ZNF850: variants seen among roughly 807,000 people sequenced by gnomAD.
ZNF850 encodes zinc finger protein 850.
In ZNF850, 2 loss-of-function variants were observed where a neutral mutation model predicts 11.9. That is an observed-to-expected ratio of 0.17 (90% CI 0.07 to 0.53). ZNF850 has a LOEUF of 0.53. Ranked by LOEUF, ZNF850 falls within the 20% of genes least tolerant of loss-of-function variation. The pLI, the probability that ZNF850 is intolerant of heterozygous loss-of-function variation, is 0.94. For synonymous variants in ZNF850, 381 were observed against 443.0 expected (o/e 0.86, Z 1.76); for missense variants, 1,014 against 1,316.4 (o/e 0.77, Z 3.55).
At position 36,745,996 on chromosome 19, in the gene ZNF850, T is replaced by G. The variant is rs576171365; in HGVS notation, c.*1771A>C. ...AGATGTTTTCTCAGCAAGGTCTTTA[T>G]GACCTGTATCTTATGCTGACCTCAT... On this transcript the variant is annotated 3_prime_UTR_variant, in exon 5 of 5. Coordinates refer to ENST00000591344, the MANE Select transcript of ZNF850 (RefSeq NM_001193552.2). The G allele has an allele frequency of 2.0e-5, 3 of 152,266 alleles. No homozygotes were observed. The highest frequency in any genetic ancestry group is 7.2e-5 in the African/African-American group (3 of 41,476). 9.4% of individuals were successfully genotyped at this position (152,266 alleles called of 1,614,324 possible).
At position 36,748,726 on chromosome 19, in the gene ZNF850, G is replaced by A. The variant is rs2040430256; in HGVS notation, c.2314C>T (p.Leu772=). The A allele has an allele frequency of 2.6e-6, 4 of 1,541,174 alleles. No individual in the cohort carries two copies. The highest frequency in any genetic ancestry group is 3.5e-6 in the Non-Finnish European group (4 of 1,148,472). ...CGKSFTSHST[L]IQHQQIHTGE... ...GTGTGTATTTGCTGATGTTGAATTA[G>A]TGTTGAGTGAGAAGTAAAAGATTTC... Residue 772 remains leucine, a synonymous_variant, in exon 5 of 5, where the codon CTA becomes TTA. Coordinates refer to ENST00000591344, the MANE Select transcript of ZNF850 (RefSeq NM_001193552.2).
At chr19:36,762,861 G>GT (rs559229877) in intron 1 of ZNF850, among the ~76,000 whole-genome samples, 186 bp from the exon 2 acceptor site, 47 of 146,596 alleles carry the variant, frequency 3.2e-4, no homozygotes, top group East Asian at 1.2e-3. Context: ...TTTCTTTCTT[G>GT]TTTTTTTTTT....
At position 36,745,283 on chromosome 19, in the gene ZNF850, G is replaced by A. The variant is rs531807361; in HGVS notation, c.*2484C>T. Reference sequence around the variant, plus strand: ...AGTGTTAAATTTTTTAAACGCAAGTGTAATTTAAATAGAATGAAATACAAC... The same window carrying A: ...AGTGTTAAATTTTTTAAACGCAAGTATAATTTAAATAGAATGAAATACAAC... On this transcript the variant is annotated 3_prime_UTR_variant, in exon 5 of 5. Transcript: ENST00000591344. 2.6e-5 allele frequency: 4 copies of A among 152,212 alleles called. No homozygotes were observed. The South Asian group carries it at 6.2e-4, about 24-fold the overall frequency. The allele number at this position is 152,212 out of a possible 1,614,324, so 9.4% of individuals were successfully genotyped here.
Position 36,753,422 on chromosome 19 carries a change from CAAAAAAA to C in ZNF850, c.236-2625_236-2619del, listed in dbSNP as rs58851544. On this transcript the variant is annotated intron_variant, in intron 4 of 4. Coordinates refer to ENST00000591344, the MANE Select transcript of ZNF850 (RefSeq NM_001193552.2). The stretch of plus-strand genomic sequence containing the variant: ...TGGGCAACAGCCTGGGACACTGTCT[CAAAAAAA>C]AAAAAAAAAAAAAAAAAGCCGGGTG... 6.4e-4 allele frequency among the ~76,000 whole-genome samples: 30 copies of C among 46,652 alleles called. 1 individual carries two copies. Among genetic ancestry groups the C allele is most frequent in the Non-Finnish European group, 7.9e-4 (20 of 25,382 alleles). The allele number at this position is 46,652 out of a possible 152,430, so 30.6% of individuals were successfully genotyped here.
intron 4 of ZNF850, among the ~76,000 whole-genome samples, chr19:36,755,726 C>T (rs564719675): frequency 1.5e-4 from 23 of 149,570 alleles, no homozygotes; most frequent in African/African-American, 5.1e-4. Flanking sequence ...AAAACTAACA[C>T]GTACAGGGAA....
chr19:36,750,840 C>G, intron 4 of ZNF850, 36 bp from the exon 5 acceptor site: 1 of 1,458,230 alleles, frequency 6.9e-7, no homozygotes, highest in Non-Finnish European at 9.0e-7. Context: ...CATAGCATTT[C>G]CTTGTTGAGT....
chr19:36,761,595 T>C, intron 4 of ZNF850, 48 bp downstream of exon 4: 1 of 1,107,186 alleles, frequency 9.0e-7, no homozygotes, highest in African/African-American at 1.5e-5. Context: ...CCTGACAGGC[T>C]GGCTTCTAAA....
Position 36,749,319 on chromosome 19 carries a change from G to A in ZNF850, c.1721C>T (p.Ser574Leu), listed in dbSNP as rs1195456764. 1.3e-6 allele frequency: 2 copies of A among 1,558,170 alleles called. No homozygotes were observed. The highest frequency in any genetic ancestry group is 1.7e-6 in the Non-Finnish European group (2 of 1,155,966). The part of the protein sequence containing the change: ...KECGKSFTSR[S>L]ALIQHQRIHT... ...AATTCGCTGATGTTGAATTAGTGCTGAGCGAGAAGTAAAAGATTTTCCACA... is the reference window on the plus strand; with the variant it reads ...AATTCGCTGATGTTGAATTAGTGCTAAGCGAGAAGTAAAAGATTTTCCACA... The change falls in exon 5 of 5, where the codon TCA (serine) becomes TTA (leucine). Residue 574 changes from serine to leucine, a missense_variant. Ser to Leu is a moderately radical substitution (Grantham distance 145). Around this residue, in one of 2 missense-constraint regions of ZNF850, gnomAD observed 835 missense variants for 1,022.0 expected, o/e 0.82. Coordinates refer to ENST00000591344, the MANE Select transcript of ZNF850 (RefSeq NM_001193552.2).
chr19:36,753,504 G>A (rs1222364266), intron 4 of ZNF850, among the ~76,000 whole-genome samples: 1 of 149,384 alleles, frequency 6.7e-6, no homozygotes, highest in Non-Finnish European at 1.5e-5. Context: ...AAGGCGGGAG[G>A]ATCACCTGAG....
In ZNF850 at chr19:36,750,698, G is replaced by A; in HGVS notation, c.342C>T (p.Gly114=). ...ATTCCCAGTCATCTCTGACACTGGA[G>A]CCCACAAGGCTATGACATTTTTCCA... ...VRMEKCHSLV[G]SSVRDDWECK... Residue 114 remains glycine (G), a synonymous_variant, in exon 5 of 5, where the codon GGC becomes GGT. Transcript: ENST00000591344. 6.5e-7 allele frequency: 1 copy of A among 1,536,174 alleles called. No individual in the cohort carries two copies. The highest frequency in any genetic ancestry group is 1.2e-5 in the South Asian group (1 of 84,064).
chr19:36,768,993 G>A (rs2040564582), intron 1 of ZNF850, among the ~76,000 whole-genome samples: 1 of 151,254 alleles, frequency 6.6e-6, no homozygotes, highest in Non-Finnish European at 1.5e-5. Flanking sequence ...GGGTGTGGTG[G>A]CTCACACCTG....
chr19:36,756,611 G>A (rs1306341763), intron 4 of ZNF850, among the ~76,000 whole-genome samples: 3 of 151,998 alleles, frequency 2.0e-5, no homozygotes, highest in Non-Finnish European at 4.4e-5. Context: ...ATACCATAAT[G>A]TCACATTTTT....
At chr19:36,759,938 GA>G (rs1285255394) in intron 4 of ZNF850, among the ~76,000 whole-genome samples, 1 of 152,046 alleles carries the variant, frequency 6.6e-6, no homozygotes, top group Non-Finnish European at 1.5e-5. Context: ...CCAACTTATT[GA>G]AAATGGATCA....
At chr19:36,769,276 A>AAAAAAAAG (rs1555812486) in intron 1 of ZNF850, among the ~76,000 whole-genome samples, 1 of 113,182 alleles carries the variant, frequency 8.8e-6, no homozygotes, top group African/African-American at 4.2e-5. Flanking sequence ...AAAAAAAAAA[A>AAAAAAAAG]AAAGAAAGAA....
chr19:36,750,026 A>G lies in ZNF850; in HGVS notation c.1014T>C (p.Asp338=), dbSNP rs879141727. 6 of 1,543,564 alleles carry G rather than the reference A, an allele frequency of 3.9e-6. No individual in the cohort carries two copies. The African/African-American group carries it at 6.9e-5, about 18-fold the overall frequency. The part of the protein sequence containing the change: ...QQIHTGEKPY[D]CKECGKSFAS... ...CAAAAGATTTTCCACATTCCTTACAATCATACGGTTTCTCACCAGTGTGAA... is the reference window on the plus strand; with the variant it reads ...CAAAAGATTTTCCACATTCCTTACAGTCATACGGTTTCTCACCAGTGTGAA... Residue 338 remains aspartate, a synonymous_variant, in exon 5 of 5, where the codon GAT becomes GAC. Coordinates refer to ENST00000591344, the MANE Select transcript of ZNF850 (RefSeq NM_001193552.2).
chr19:36,772,788 G>T lies in ZNF850; in HGVS notation c.-133C>A, dbSNP rs1342610370. 1 of 152,374 alleles carries T rather than the reference G, an allele frequency of 6.6e-6. No individual in the cohort carries two copies. The highest frequency in any genetic ancestry group is 2.4e-5 in the African/African-American group (1 of 41,478). The allele number at this position is 152,374 out of a possible 1,614,324, so 9.4% of individuals were successfully genotyped here. ...CAAGTTCCTCAGGACTCCAAGGCGCGGCGGCAGCTAAATCGGCACAGCAAA... is the reference window on the plus strand; with the variant it reads ...CAAGTTCCTCAGGACTCCAAGGCGCTGCGGCAGCTAAATCGGCACAGCAAA... On this transcript the variant is annotated 5_prime_UTR_variant, in exon 1 of 5. Coordinates refer to ENST00000591344, the MANE Select transcript of ZNF850 (RefSeq NM_001193552.2).
At chr19:36,754,751 T>C (rs747499676) in intron 4 of ZNF850, among the ~76,000 whole-genome samples, 4 of 151,956 alleles carry the variant, frequency 2.6e-5, no homozygotes, top group African/African-American at 9.7e-5. Flanking sequence ...GAGATGGGGT[T>C]TCACCATCTT....
intron 3 of ZNF850, among the ~76,000 whole-genome samples, 192 bp downstream of exon 3, chr19:36,762,113 T>G (rs1160521894): frequency 6.6e-6 from 1 of 151,624 alleles, no homozygotes; most frequent in African/African-American, 2.4e-5. Context: ...AGTTAGTCCC[T>G]TAGTCCTCAT....
At chr19:36,757,082 T>C (rs573441988) in intron 4 of ZNF850, among the ~76,000 whole-genome samples, 1 of 152,354 alleles carries the variant, frequency 6.6e-6, no homozygotes, top group South Asian at 2.1e-4. Context: ...GCTAGTTTGA[T>C]GCTTCCTGGC....
Sources: allele counts gnomAD v4.1 joint callset (sites outside exome capture counted in the v4.1 genomes callset), GRCh38; gene constraint gnomAD v4.1.1; regional missense constraint gnomAD v4.1.1; transcripts MANE v1.5; gene names NCBI Gene and HGNC (gene_info 2026-07-23, HGNC 2026-07-21).